ECE1: variants seen among roughly 807,000 people sequenced by gnomAD.
The protein encoded by ECE1 is endothelin converting enzyme 1, also known as endothelin-converting enzyme 1.
In ECE1, 35 loss-of-function variants were observed where a neutral mutation model predicts 98.6. The observed-to-expected ratio is 0.35, with a 90% CI of 0.27 to 0.47. The LOEUF is 0.47. Among genes scored for constraint, ECE1 ranks in the 20% least tolerant of loss-of-function variants. ECE1 has a pLI of 1.00. For synonymous variants in ECE1, 394 were observed against 407.1 expected, an observed-to-expected ratio of 0.97 and a Z score of 0.39; for missense variants, 814 against 1,025.3, an observed-to-expected ratio of 0.79 and a Z score of 2.81.
chr1:21,336,864 T>C (rs1032690961), intron 1 of ECE1, among the ~76,000 whole-genome samples: 1 of 148,756 alleles, frequency 6.7e-6, no homozygotes, highest in Non-Finnish European at 1.5e-5. Flanking sequence ...CGAGACTCCG[T>C]CTAAAAAAAA....
chr1:21,270,203 C>T (rs1361033942), intron 4 of ECE1, among the ~76,000 whole-genome samples: 1 of 152,246 alleles, frequency 6.6e-6, no homozygotes, highest in Admixed American at 6.5e-5. Flanking sequence ...GACAAAGTCA[C>T]TTAACCTCTG....
intron 1 of ECE1, chr1:21,344,795 A>C (rs1345847885): frequency 6.6e-6 from 1 of 152,488 alleles, no homozygotes; most frequent in Admixed American, 6.5e-5. Flanking sequence ...CTGGTCTCTG[A>C]CAGCACCGAC....
chr1:21,291,143 C>T (rs1200394760), upstream of ECE1, among the ~76,000 whole-genome samples: 2 of 152,094 alleles, frequency 1.3e-5, no homozygotes, highest in Non-Finnish European at 2.9e-5. Flanking sequence ...TGCCCCCCTC[C>T]CCAGCCCCTG....
intron 14 of ECE1, among the ~76,000 whole-genome samples, chr1:21,230,358 C>A (rs1438867047): frequency 6.6e-6 from 1 of 152,146 alleles, no homozygotes; most frequent in African/African-American, 2.4e-5. Flanking sequence ...CCTTTCCCAA[C>A]TAAATTCCTA....
upstream of ECE1, among the ~76,000 whole-genome samples, chr1:21,292,359 C>T (rs557525934): frequency 2.8e-4 from 42 of 152,118 alleles, no homozygotes; most frequent in African/African-American, 9.9e-4. Flanking sequence ...CTTCTTCCCC[C>T]AAGACCTTTG....
At position 21,256,112 on chromosome 1, in the gene ECE1, C is replaced by T; in HGVS notation, c.855G>A (p.Met285Ile). Residue 285 changes from methionine to isoleucine, a missense_variant, in exon 8 of 19, where the codon ATG (methionine) becomes ATA (isoleucine). Met to Ile is a conservative substitution (Grantham distance 10). This residue lies in a region of ECE1 where 105 missense variants were observed against 179.1 expected (regional missense o/e 0.59). Transcript: ENST00000374893. ...CGCCCAGCAGCTTCCCCAGCTGGAC[C>T]ATGTAGTTCAGATATCCGGTCAGCA... ...EKVLTGYLNY[M>I]VQLGKLLGGG... 2 of 1,604,522 alleles carry T rather than the reference C, an allele frequency of 1.2e-6. No homozygotes were observed. The highest frequency in any genetic ancestry group is 1.7e-6 in the Non-Finnish European group (2 of 1,171,948).
At chr1:21,308,417 G>T (rs1359070546) in intron 1 of ECE1, among the ~76,000 whole-genome samples, 3 of 152,080 alleles carry the variant, frequency 2.0e-5, no homozygotes, top group Non-Finnish European at 2.9e-5. Context: ...CTCTCTATTT[G>T]GGGGAACAGC....
chr1:21,304,020 T>TA (rs35065663), intron 1 of ECE1, among the ~76,000 whole-genome samples: 29,393 of 140,064 alleles, frequency 0.21, 3,957 homozygotes, highest in East Asian at 0.4. Flanking sequence ...CCATTTTCCT[T>TA]AAAAAAAAAA....
rs536975210 is a variant in ECE1, at chr1:21,279,367, G to A, written c.139-35C>T. Reference sequence around the variant, plus strand: ...AGGAGGCAGGAGGGGCGGGGAAGACGTGAGCCCCGGGCCCCGCTTCCCTTG... The same window carrying A: ...AGGAGGCAGGAGGGGCGGGGAAGACATGAGCCCCGGGCCCCGCTTCCCTTG... On this transcript the variant is annotated intron_variant, in intron 2 of 18. Coordinates refer to ENST00000374893, the MANE Select transcript of ECE1 (RefSeq NM_001397.3). 48 of 1,613,874 alleles carry A rather than the reference G, an allele frequency of 3.0e-5. No homozygotes were observed. The highest frequency in any genetic ancestry group is 2.2e-4 in the South Asian group (20 of 91,074).
chr1:21,249,993 G>C (rs933785466), intron 8 of ECE1, among the ~76,000 whole-genome samples: 2 of 149,720 alleles, frequency 1.3e-5, no homozygotes, highest in Admixed American at 6.7e-5. Context: ...TGGTCAGACT[G>C]GTCTCGAACT....
At chr1:21,247,128 C>T (rs2098204785) in intron 9 of ECE1, 93 bp downstream of exon 9, 7 of 1,582,896 alleles carry the variant, frequency 4.4e-6, no homozygotes, top group African/African-American at 1.3e-5. Context: ...TCCCACTCTC[C>T]TGAGTCAGAC....
intron 1 of ECE1, among the ~76,000 whole-genome samples, chr1:21,296,972 AC>A (rs1638370231): frequency 6.6e-6 from 1 of 152,148 alleles, no homozygotes; most frequent in African/African-American, 2.4e-5. Flanking sequence ...TCAAGGTGAG[AC>A]TCAGGGAGAC....
At chr1:21,249,849 T>C (rs1558386298) in intron 8 of ECE1, among the ~76,000 whole-genome samples, 1 of 151,912 alleles carries the variant, frequency 6.6e-6, no homozygotes. Context: ...TCTCAGCTCA[T>C]TGCAACCTCC....
At chr1:21,271,394 T>C (rs961694620) in intron 4 of ECE1, among the ~76,000 whole-genome samples, 1 of 152,274 alleles carries the variant, frequency 6.6e-6, no homozygotes, top group African/African-American at 2.4e-5. Flanking sequence ...TTAAGATTCG[T>C]GTCCCTTTAA....
In ECE1 at chr1:21,340,929, T is replaced by G. The variant is rs1639385950; in HGVS notation, c.3+4447A>C. On this transcript the variant is annotated intron_variant, in intron 1 of 18. Coordinates refer to the ECE1 transcript ENST00000415912. This position sits in a 1 kb window ranked among gnomAD's most constrained non-coding sequence, Gnocchi z 4.6. Reference sequence around the variant, plus strand: ...CCCAGGTCCTTCATATGACCATCCCTGAGTGCACCCTCCGGGCCACCTCCT... The same window carrying G: ...CCCAGGTCCTTCATATGACCATCCCGGAGTGCACCCTCCGGGCCACCTCCT... Among the ~76,000 whole-genome samples the G allele has an allele frequency of 1.1e-5, 1 of 88,812 alleles. No homozygotes were observed. Among genetic ancestry groups the G allele is most frequent in the Non-Finnish European group, 2.1e-5 (1 of 47,556 alleles). 58.3% of individuals were successfully genotyped at this position (88,812 alleles called of 152,430 possible).
intron 14 of ECE1, among the ~76,000 whole-genome samples, 171 bp from the exon 15 acceptor site, chr1:21,228,212 T>C (rs950313010): frequency 2.6e-5 from 4 of 152,102 alleles, no homozygotes; most frequent in African/African-American, 9.7e-5. Context: ...AAGGACTGTT[T>C]GTTTTGAGAC....
chr1:21,253,966 G>A (rs1397507061), intron 8 of ECE1, among the ~76,000 whole-genome samples: 1 of 151,400 alleles, frequency 6.6e-6, no homozygotes, highest in Admixed American at 6.6e-5. Flanking sequence ...CTACTCAGGA[G>A]GCTGAGGCAG....
At chr1:21,221,662 G>T in intron 18 of ECE1, 85 bp downstream of exon 18, 1 of 1,386,372 alleles carries the variant, frequency 7.2e-7, no homozygotes, top group Non-Finnish European at 1.0e-6. Flanking sequence ...AATCTGTGGG[G>T]AACTTGCCTT....
intron 12 of ECE1, among the ~76,000 whole-genome samples, chr1:21,236,289 C>T (rs1388905630): frequency 1.3e-5 from 2 of 152,256 alleles, no homozygotes; most frequent in Admixed American, 1.3e-4. Flanking sequence ...AGGCCTACCC[C>T]GAATCCTGCT....
Sources: gnomAD v4.1 joint callset for allele counts (sites outside exome capture counted in the v4.1 genomes callset) on GRCh38, gnomAD v4.1.1 for gene constraint, gnomAD v4.1.1 regional missense constraint, Gnocchi (gnomAD v3.1) non-coding constraint, MANE v1.5 for transcripts, NCBI Gene and HGNC (gene_info 2026-07-23, HGNC 2026-07-21) for gene names.